NGDN: variants seen among roughly 807,000 people sequenced by gnomAD.
NGDN encodes EIF4E-binding protein.
NGDN carries 41 observed loss-of-function variants against 45.2 expected under a neutral mutation model. The ratio of observed to expected loss-of-function variants is 0.91; its 90% CI spans 0.71 to 1.18. The LOEUF (loss-of-function observed/expected upper bound fraction) is 1.18, where lower values mean the gene tolerates loss of function less well. Ranked by LOEUF, NGDN falls within the 50% of genes most tolerant of loss-of-function variation. The probability of loss-of-function intolerance (pLI) is 0.00; values close to 1 mark genes in which losing one functional copy is unlikely to be tolerated. For missense variants in NGDN, 402 were observed against 399.9 expected (o/e 1.01, Z -0.05); for synonymous variants, 137 against 130.9 (o/e 1.05, Z -0.32).
At chr14:23,477,728 TCAG>T in intron 10 of NGDN, 168 bp downstream of exon 10, 1 of 1,461,558 alleles carries the variant, frequency 6.8e-7, no homozygotes, top group South Asian at 1.5e-5. Context: ...GAGCTGGAAA[TCAG>T]CATCATTCAC....
rs538443105 is a variant in NGDN, at chr14:23,476,726, C to T, written c.713+319C>T. Among the ~76,000 whole-genome samples the T allele has an allele frequency of 3.9e-5, 6 of 152,286 alleles. No individual in the cohort carries two copies. In the South Asian group the frequency reaches 1.2e-3, roughly 32 times the overall value. The stretch of plus-strand genomic sequence containing the variant: ...ACTTTAAGATTCTGTGTTTCACTGT[C>T]ACAGCTCTCACTTTTGTGCAGAAGG... On this transcript the variant is annotated intron_variant, in intron 8 of 10. Coordinates refer to ENST00000408901, the MANE Select transcript of NGDN (RefSeq NM_001042635.2).
chr14:23,477,564 A>G lies in NGDN; in HGVS notation c.928+4A>G. On this transcript the variant is annotated splice_donor_region_variant and intron_variant, in intron 10 of 10. Coordinates refer to ENST00000408901, the MANE Select transcript of NGDN (RefSeq NM_001042635.2). Reference sequence around the variant, plus strand: ...CAGAAAGGTCGGAAGAAAAAAGGTCAGTGAACTGCTGGGACTTAGGTGATC... The same window carrying G: ...CAGAAAGGTCGGAAGAAAAAAGGTCGGTGAACTGCTGGGACTTAGGTGATC... 2 of 1,614,186 alleles carry G rather than the reference A, an allele frequency of 1.2e-6. No homozygotes were observed. Among genetic ancestry groups the G allele is most frequent in the Non-Finnish European group, 1.7e-6 (2 of 1,180,024 alleles).
At chr14:23,475,877 G>A in intron 6 of NGDN, 99 bp downstream of exon 6, 2 of 1,471,190 alleles carry the variant, frequency 1.4e-6, no homozygotes, top group Admixed American at 3.8e-5. Context: ...CTTAGGACTT[G>A]ATTTTCCAAC....
intron 6 of NGDN, 116 bp downstream of exon 6, chr14:23,475,894 G>T (rs1893890253): frequency 1.4e-6 from 2 of 1,459,698 alleles, no homozygotes; most frequent in Non-Finnish European, 1.9e-6. Context: ...CAACTTGTGT[G>T]TTAGAATGCT....
intron 7 of NGDN, 41 bp from the exon 8 acceptor site, chr14:23,476,198 T>A: frequency 6.2e-7 from 1 of 1,613,970 alleles, no homozygotes. Flanking sequence ...TGTTTCTCTT[T>A]TCTCTGTTCT....
chr14:23,475,200 G>A lies in NGDN; in HGVS notation c.174G>A (p.Gln58=), dbSNP rs758021826. 1 of 1,613,724 alleles carries A rather than the reference G, an allele frequency of 6.2e-7. No homozygotes were observed. The highest frequency in any genetic ancestry group is 8.5e-7 in the Non-Finnish European group (1 of 1,179,894). ...TCAGCTTCTTGGAAGTGAAAGACCA[G>A]CTGCTGCTCATGTACCTTATGGATT... ...KGLSFLEVKD[Q]LLLMYLMDLT... The change falls in exon 4 of 11, where the codon CAG becomes CAA. Residue 58 remains glutamine (Q), a synonymous_variant. Coordinates refer to ENST00000408901, the MANE Select transcript of NGDN (RefSeq NM_001042635.2).
At chr14:23,474,557 T>C (rs972518576) in intron 3 of NGDN, among the ~76,000 whole-genome samples, 2 of 80,842 alleles carry the variant, frequency 2.5e-5, no homozygotes, top group African/African-American at 3.9e-5. Flanking sequence ...GTGTATAAAA[T>C]GTATTCATCA....
intron 10 of NGDN, 32 bp downstream of exon 10, chr14:23,477,592 G>C: frequency 6.2e-7 from 1 of 1,613,530 alleles, no homozygotes. Context: ...AGGTGATCAG[G>C]TGCAAGGTGG....
At chr14:23,477,830 ACCATTATC>A in intron 10 of NGDN, 169 bp from the exon 11 acceptor site, 1 of 1,474,772 alleles carries the variant, frequency 6.8e-7, no homozygotes, top group Non-Finnish European at 9.0e-7. Context: ...ACTTGAAGGA[ACCATTATC>A]CCATTTCAAT....
In NGDN at chr14:23,470,340, A is replaced by T. The variant is rs560669268; in HGVS notation, c.72+239A>T. 1.0e-5 allele frequency: 5 copies of T among 494,128 alleles called. No homozygotes were observed. The South Asian group carries it at 1.2e-4, about 12-fold the overall frequency. 30.6% of individuals were successfully genotyped at this position (494,128 alleles called of 1,614,324 possible). ...TTTCCTTTATTCATATAGCTAAGGA[A>T]ACCAGTGCTTGGAATGGTAACATGA... is the stretch of plus-strand genomic sequence containing the variant. On this transcript the variant is annotated intron_variant, in intron 2 of 10. Transcript: ENST00000408901.
Position 23,469,971 on chromosome 14 carries a change from C to T in NGDN, c.13-71C>T, listed in dbSNP as rs981464756. On this transcript the variant is annotated intron_variant, in intron 1 of 10. Transcript: ENST00000408901. ...GACGGAGAGAGGGCAGTTTCCCACCCTAGACGTTCCACTTTCCTATAATCC... is the reference window on the plus strand; with the variant it reads ...GACGGAGAGAGGGCAGTTTCCCACCTTAGACGTTCCACTTTCCTATAATCC... The T allele has an allele frequency of 4.3e-5, 66 of 1,541,114 alleles. 1 individual carries two copies. The South Asian group carries it at 6.9e-4, about 16-fold the overall frequency.
rs1046937935 is a variant in NGDN, at chr14:23,475,316, GC to G, written c.282+9del. ...CTGGTGGAGATTCGCACGGTATGAA[GC>G]ATTTGGCTTCTTGGAGTTTTAGGTT... On this transcript the variant is annotated intron_variant, in intron 4 of 10. Coordinates refer to ENST00000408901, the MANE Select transcript of NGDN (RefSeq NM_001042635.2). 8 of 1,603,876 alleles carry G rather than the reference GC, an allele frequency of 5.0e-6. No homozygotes were observed. In the African/African-American group the frequency reaches 1.1e-4, roughly 22 times the overall value.
At chr14:23,472,844 T>G (rs1278004207) in intron 3 of NGDN, among the ~76,000 whole-genome samples, 2 of 152,224 alleles carry the variant, frequency 1.3e-5, no homozygotes, top group Admixed American at 1.3e-4. Flanking sequence ...CATTCACTTA[T>G]GTTCTTATTG....
chr14:23,472,620 A>G (rs935768839), intron 3 of NGDN, among the ~76,000 whole-genome samples: 3 of 152,208 alleles, frequency 2.0e-5, no homozygotes, highest in Admixed American at 1.3e-4. Flanking sequence ...TCTCATCCCT[A>G]CTTAACTGGA....
chr14:23,470,556 G>A (rs1379792831), intron 2 of NGDN, among the ~76,000 whole-genome samples: 3 of 152,126 alleles, frequency 2.0e-5, no homozygotes, highest in African/African-American at 7.2e-5. Context: ...TTACACCCTC[G>A]TAAAGTGGAA....
At chr14:23,477,160 C>T in intron 8 of NGDN, 40 bp from the exon 9 acceptor site, 1 of 1,607,864 alleles carries the variant, frequency 6.2e-7, no homozygotes, top group Non-Finnish European at 8.5e-7. Context: ...CTTTCCATCT[C>T]CATGGTCTGA....
In NGDN at chr14:23,476,230, A is replaced by G. The variant is rs780659858; in HGVS notation, c.545-9A>G. 21 of 1,613,664 alleles carry G rather than the reference A, an allele frequency of 1.3e-5. No individual in the cohort carries two copies. The African/African-American group carries it at 1.9e-4, about 14-fold the overall frequency. On this transcript the variant is annotated splice_polypyrimidine_tract_variant and intron_variant, in intron 7 of 10. Coordinates refer to ENST00000408901, the MANE Select transcript of NGDN (RefSeq NM_001042635.2). ...TTCTTGGATAACCCTGCTTATTTTC[A>G]TCATGTAGATGAAACAGAAGCTGAG... is the stretch of plus-strand genomic sequence containing the variant.
intron 3 of NGDN, among the ~76,000 whole-genome samples, chr14:23,472,182 TAAAA>T (rs78085081): frequency 4.9e-5 from 4 of 82,092 alleles, no homozygotes; most frequent in African/African-American, 4.7e-5. Context: ...GAGACTGTCT[TAAAA>T]AAAAAAAAAA....
chr14:23,477,987 T>G lies in NGDN; in HGVS notation c.929-20T>G. 2 of 1,614,202 alleles carry G rather than the reference T, an allele frequency of 1.2e-6. No individual in the cohort carries two copies. Among genetic ancestry groups the G allele is most frequent in the Non-Finnish European group, 1.7e-6 (2 of 1,180,016 alleles). ...TTTCCAACTGTCCTTTGCCTCATTCTTGGTTTCCCTTCCTTTCAGGTTTTC... is the reference window on the plus strand; with the variant it reads ...TTTCCAACTGTCCTTTGCCTCATTCGTGGTTTCCCTTCCTTTCAGGTTTTC... On this transcript the variant is annotated intron_variant, in intron 10 of 10. Coordinates refer to ENST00000408901, the MANE Select transcript of NGDN (RefSeq NM_001042635.2).
Sources: allele counts gnomAD v4.1 joint callset (sites outside exome capture counted in the v4.1 genomes callset), GRCh38; gene constraint gnomAD v4.1.1; transcripts MANE v1.5; gene names NCBI Gene and HGNC (gene_info 2026-07-23, HGNC 2026-07-21).